Variants in IMMP2L observed in about 807,000 individuals in gnomAD.
IMMP2L encodes mitochondrial inner membrane protease subunit 2.
IMMP2L carries 18 observed loss-of-function variants against 19.3 expected under a neutral mutation model. That is an observed-to-expected ratio of 0.93 (90% CI 0.64 to 1.38). The LOEUF (loss-of-function observed/expected upper bound fraction) is 1.38. Among genes scored for constraint, IMMP2L ranks in the 40% most tolerant of loss-of-function variants. IMMP2L has a pLI of 0.00. For synonymous variants in IMMP2L, 76 were observed against 73.0 expected (o/e 1.04, Z -0.21); for missense variants, 233 against 218.2 (o/e 1.07, Z -0.43).
intron 5 of IMMP2L, among the ~76,000 whole-genome samples, chr7:110,811,212 C>A (rs1562990887): frequency 6.6e-6 from 1 of 152,020 alleles, no homozygotes; most frequent in African/African-American, 2.4e-5. Context: ...AATATTATTG[C>A]TTTTTAGCAA....
chr7:110,826,028 G>C lies in IMMP2L; in HGVS notation c.408+60565C>G, dbSNP rs537045544. 5.1e-4 allele frequency among the ~76,000 whole-genome samples: 78 copies of C among 152,212 alleles called. 1 individual carries two copies. The highest frequency in any genetic ancestry group is 1.7e-3 in the African/African-American group (70 of 41,526). ...CAACCCCATCAAAAAGTGGGCGAAGGATATGAACACACACTTCTCAAAAGA... is the reference window on the plus strand; with the variant it reads ...CAACCCCATCAAAAAGTGGGCGAAGCATATGAACACACACTTCTCAAAAGA... On this transcript the variant is annotated intron_variant, in intron 5 of 5. Coordinates refer to ENST00000405709, the MANE Select transcript of IMMP2L (RefSeq NM_032549.4).
At chr7:111,124,727 A>G (rs1801084551) in intron 3 of IMMP2L, 1 of 1,613,994 alleles carries the variant, frequency 6.2e-7, no homozygotes. Flanking sequence ...CTCTCTCCAG[A>G]AATGAACTGT....
intron 3 of IMMP2L, among the ~76,000 whole-genome samples, chr7:111,086,207 G>T (rs920054219): frequency 2.0e-5 from 3 of 150,940 alleles, no homozygotes; most frequent in Non-Finnish European, 4.4e-5. Flanking sequence ...TGGAAGGTTC[G>T]CTTGAGAGCA....
chr7:111,171,270 A>G (rs1806418855), intron 3 of IMMP2L, among the ~76,000 whole-genome samples: 1 of 151,702 alleles, frequency 6.6e-6, no homozygotes, highest in Non-Finnish European at 1.5e-5. Flanking sequence ...TTACATTTTA[A>G]ATTATCATGA....
At chr7:111,177,854 A>G (rs1807247905) in intron 3 of IMMP2L, among the ~76,000 whole-genome samples, 1 of 152,050 alleles carries the variant, frequency 6.6e-6, no homozygotes, top group Non-Finnish European at 1.5e-5. Flanking sequence ...AACAGCTTAC[A>G]AGGTACTTGT....
chr7:110,861,275 C>A (rs539973268), intron 5 of IMMP2L, among the ~76,000 whole-genome samples: 4 of 151,642 alleles, frequency 2.6e-5, no homozygotes, highest in Non-Finnish European at 5.9e-5. Context: ...TTTTTGGTGA[C>A]GACAAACTTT....
At chr7:110,902,219 C>CA (rs567500681) in intron 4 of IMMP2L, among the ~76,000 whole-genome samples, 5 of 150,808 alleles carry the variant, frequency 3.3e-5, no homozygotes, top group Admixed American at 6.6e-5. Flanking sequence ...GAAAAAACAC[C>CA]AAAAAAATGT....
At chr7:111,076,116 G>C (rs1340533486) in intron 3 of IMMP2L, among the ~76,000 whole-genome samples, 1 of 152,050 alleles carries the variant, frequency 6.6e-6, no homozygotes, top group Non-Finnish European at 1.5e-5. Flanking sequence ...ATATTGGTGG[G>C]GAGGAGTCCA....
intron 3 of IMMP2L, among the ~76,000 whole-genome samples, chr7:111,357,856 T>G (rs1480040880): frequency 6.6e-6 from 1 of 151,952 alleles, no homozygotes; most frequent in East Asian, 1.9e-4. Context: ...AATCTTCCCA[T>G]GAGCATGGAA....
intron 3 of IMMP2L, among the ~76,000 whole-genome samples, chr7:111,340,938 G>C (rs1289847378): frequency 6.6e-6 from 1 of 151,992 alleles, no homozygotes; most frequent in Non-Finnish European, 1.5e-5. Context: ...ACATGAGGGA[G>C]GAAATGTTCT....
intron 3 of IMMP2L, among the ~76,000 whole-genome samples, chr7:111,224,800 T>A (rs1812902452): frequency 6.6e-6 from 1 of 152,114 alleles, no homozygotes; most frequent in Non-Finnish European, 1.5e-5. Flanking sequence ...TTAGCATAAA[T>A]CAAAGCCTTG....
intron 3 of IMMP2L, among the ~76,000 whole-genome samples, chr7:111,455,421 T>A (rs566387464): frequency 7.2e-5 from 11 of 152,206 alleles, no homozygotes; most frequent in Admixed American, 3.9e-4. Context: ...ACAGAATCTA[T>A]CACTAAAAGT....
chr7:111,154,599 T>G (rs1052412200), intron 3 of IMMP2L, among the ~76,000 whole-genome samples: 6 of 152,174 alleles, frequency 3.9e-5, no homozygotes, highest in Admixed American at 6.5e-5. Context: ...AGAAGGAATT[T>G]TACTTGGAAT....
intron 5 of IMMP2L, among the ~76,000 whole-genome samples, chr7:110,868,089 T>G (rs1808162855): frequency 6.7e-6 from 1 of 149,110 alleles, no homozygotes; most frequent in South Asian, 2.1e-4. Flanking sequence ...TAGCTCTTTT[T>G]ATTCTGAATA....
intron 3 of IMMP2L, among the ~76,000 whole-genome samples, chr7:111,154,624 G>A (rs886611076): frequency 6.6e-6 from 1 of 152,264 alleles, no homozygotes; most frequent in African/African-American, 2.4e-5. Context: ...GAGCCTCATT[G>A]CTCCAAATCT....
chr7:110,764,102 A>G lies in IMMP2L; in HGVS notation c.409-100381T>C, dbSNP rs369764055. Among the ~76,000 whole-genome samples, 22 of 152,270 alleles carry G rather than the reference A, an allele frequency of 1.4e-4. No individual in the cohort carries two copies. In the East Asian group the frequency reaches 3.7e-3, roughly 25 times the overall value. ...TTTCCATTTAATGAAAATAATAAAGAAATGAAAACTGACTTGAATACAAGG... is the reference window on the plus strand; with the variant it reads ...TTTCCATTTAATGAAAATAATAAAGGAATGAAAACTGACTTGAATACAAGG... On this transcript the variant is annotated intron_variant, in intron 5 of 5. Coordinates refer to ENST00000405709, the MANE Select transcript of IMMP2L (RefSeq NM_032549.4).
intron 3 of IMMP2L, among the ~76,000 whole-genome samples, chr7:111,321,991 A>C (rs1824768866): frequency 6.6e-6 from 1 of 151,966 alleles, no homozygotes; most frequent in Non-Finnish European, 1.5e-5. Flanking sequence ...AATTATGTTA[A>C]AGCCCATAAC....
intron 3 of IMMP2L, among the ~76,000 whole-genome samples, chr7:111,259,654 CAAT>C (rs3052105): frequency 0.53 from 79,546 of 150,274 alleles, 21,339 homozygotes; most frequent in South Asian, 0.71. Flanking sequence ...AATTTTAAAA[CAAT>C]AATAATAATA....
chr7:110,860,203 G>A (rs1713920750), intron 5 of IMMP2L, among the ~76,000 whole-genome samples: 1 of 151,714 alleles, frequency 6.6e-6, no homozygotes, highest in Admixed American at 6.6e-5. Flanking sequence ...GGAAAAAAGA[G>A]GAAAATACAA....
Sources: allele counts gnomAD v4.1 joint callset (sites outside exome capture counted in the v4.1 genomes callset), GRCh38; gene constraint gnomAD v4.1.1; transcripts MANE v1.5; gene names NCBI Gene and HGNC (gene_info 2026-07-23, HGNC 2026-07-21).